Variants in CA8 observed in about 807,000 individuals in gnomAD.
The protein encoded by CA8 is carbonic anhydrase-related protein.
A neutral mutation model predicts 41.4 loss-of-function variants in CA8; 22 were observed. The observed-to-expected ratio is 0.53, with a 90% CI of 0.38 to 0.76. CA8 has a LOEUF of 0.76. CA8 is among the 30% of genes least tolerant of loss of function. The pLI, the probability that CA8 is intolerant of heterozygous loss-of-function variation, is 0.00. For synonymous variants in CA8, 121 were observed against 130.6 expected (o/e 0.93, Z 0.50); for missense variants, 270 against 352.8 (o/e 0.77, Z 1.88).
intron 8 of CA8, among the ~76,000 whole-genome samples, chr8:60,190,957 T>TATATATATATATATATATATACACAC (rs1554573722): frequency 0.02 from 2,115 of 103,262 alleles, 57 homozygotes; most frequent in South Asian, 0.029. Flanking sequence ...TATATATATA[T>TATATATATATATATATATATACACAC]ACACACACAC....
intron 8 of CA8, among the ~76,000 whole-genome samples, chr8:60,194,276 T>C (rs779799427): frequency 1.5e-4 from 23 of 152,178 alleles, no homozygotes; most frequent in Non-Finnish European, 2.5e-4. Context: ...TCTGTAACTG[T>C]TCATATCTGG....
At chr8:60,219,579 G>C (rs977445215) in intron 7 of CA8, among the ~76,000 whole-genome samples, 6 of 152,166 alleles carry the variant, frequency 3.9e-5, no homozygotes, top group Non-Finnish European at 8.8e-5. Context: ...TGGGGATACA[G>C]AACATAATAA....
At chr8:60,191,267 GTA>G (rs1484082105) in intron 8 of CA8, among the ~76,000 whole-genome samples, 1 of 151,914 alleles carries the variant, frequency 6.6e-6, no homozygotes, top group Non-Finnish European at 1.5e-5. Context: ...ATTAGCATGT[GTA>G]TTACCTCACA....
Position 60,190,957 on chromosome 8 carries a change from T to TATATATATATATATATATACAC in CA8, c.*36-973_*36-972insGTGTATATATATATATATATAT, listed in dbSNP as rs1554573722. On this transcript the variant is annotated intron_variant, in intron 8 of 8. Coordinates refer to ENST00000317995, the MANE Select transcript of CA8 (RefSeq NM_004056.6). ...CACACACTATATATATATATATATA[T>TATATATATATATATATATACAC]ACACACACACATTTCTACATATGCA... 9.0e-4 allele frequency among the ~76,000 whole-genome samples: 94 copies of TATATATATATATATATATACAC among 104,220 alleles called. 1 individual carries two copies. The highest frequency in any genetic ancestry group is 2.5e-3 in the African/African-American group (74 of 29,108). 68.4% of individuals were successfully genotyped at this position (104,220 alleles called of 152,430 possible). A position where few individuals can be genotyped will look rare whatever the true frequency, so the allele number is the denominator to read the frequency against.
chr8:60,235,993 G>T (rs998145833), intron 3 of CA8, among the ~76,000 whole-genome samples: 1 of 152,098 alleles, frequency 6.6e-6, no homozygotes, highest in Admixed American at 6.5e-5. Flanking sequence ...AAGTCCCAGC[G>T]AAAAAACTAT....
intron 7 of CA8, 151 bp from the exon 8 acceptor site, chr8:60,209,070 C>T (rs2130424629): frequency 2.3e-6 from 2 of 873,556 alleles, no homozygotes; most frequent in South Asian, 3.4e-5. Context: ...AAAAAACAGA[C>T]TTAATTCTTC....
At chr8:60,279,115 T>TTAAATAAA (rs140904427) in intron 2 of CA8, among the ~76,000 whole-genome samples, 2 of 151,334 alleles carry the variant, frequency 1.3e-5, no homozygotes, top group Admixed American at 6.6e-5. Context: ...GGGATGGAAC[T>TTAAATAAA]TAAATAAATA....
chr8:60,221,533 A>G (rs546493142), intron 7 of CA8, among the ~76,000 whole-genome samples: 4 of 152,314 alleles, frequency 2.6e-5, no homozygotes, highest in Admixed American at 2.6e-4. Flanking sequence ...AGAGCCCTTC[A>G]CCTCCACAGT....
At chr8:60,192,711 T>C (rs1450746687) in intron 8 of CA8, among the ~76,000 whole-genome samples, 3 of 152,114 alleles carry the variant, frequency 2.0e-5, no homozygotes, top group African/African-American at 7.2e-5. Context: ...AAATTATGCA[T>C]GCATATAAAG....
intron 8 of CA8, among the ~76,000 whole-genome samples, chr8:60,207,093 G>A (rs1460672856): frequency 1.3e-5 from 2 of 152,142 alleles, no homozygotes; most frequent in South Asian, 2.1e-4. Flanking sequence ...CCTCCTTGAT[G>A]TGTCACTCGA....
chr8:60,208,274 A>G (rs1456850636), intron 8 of CA8: 4 of 162,512 alleles, frequency 2.5e-5, no homozygotes, highest in Admixed American at 5.8e-5. Flanking sequence ...AAGTATTTCA[A>G]TGCATGCCAG....
chr8:60,278,043 G>T lies in CA8; in HGVS notation c.292+1646C>A, dbSNP rs548695783. On this transcript the variant is annotated intron_variant, in intron 2 of 8. Coordinates refer to ENST00000317995, the MANE Select transcript of CA8 (RefSeq NM_004056.6). ...AGAAAAGCACAAAATGCTAGGTGAG[G>T]AAGAAACACACTTCATGGTGAGAGG... 2.0e-5 allele frequency among the ~76,000 whole-genome samples: 3 copies of T among 152,334 alleles called. No individual in the cohort carries two copies. In the South Asian group the frequency reaches 6.2e-4, roughly 32 times the overall value.
chr8:60,224,422 C>T, intron 6 of CA8, 115 bp downstream of exon 6: 1 of 710,598 alleles, frequency 1.4e-6, no homozygotes. Context: ...AAACAGAATA[C>T]AAATTGCAAA....
intron 1 of CA8, 122 bp from the exon 2 acceptor site, chr8:60,280,002 A>T: frequency 1.4e-6 from 1 of 702,156 alleles, no homozygotes; most frequent in Non-Finnish European, 2.3e-6. Context: ...TACCATCACT[A>T]TACAGATGAA....
At chr8:60,259,295 T>C (rs1803654928) in intron 3 of CA8, among the ~76,000 whole-genome samples, 1 of 152,248 alleles carries the variant, frequency 6.6e-6, no homozygotes, top group South Asian at 2.1e-4. Context: ...TATTTTCTAC[T>C]GCAGTATCTA....
intron 3 of CA8, among the ~76,000 whole-genome samples, chr8:60,236,897 G>A (rs1331650574): frequency 6.6e-6 from 1 of 152,196 alleles, no homozygotes. Flanking sequence ...TGATACTACA[G>A]ATATGGCTTA....
At chr8:60,226,247 T>C (rs1312665844) in intron 5 of CA8, among the ~76,000 whole-genome samples, 1 of 152,184 alleles carries the variant, frequency 6.6e-6, no homozygotes, top group Non-Finnish European at 1.5e-5. Flanking sequence ...AAGGCCTGTC[T>C]TCAGGACTAA....
At chr8:60,218,079 C>T (rs952904181) in intron 7 of CA8, among the ~76,000 whole-genome samples, 2 of 152,162 alleles carry the variant, frequency 1.3e-5, no homozygotes, top group African/African-American at 4.8e-5. Context: ...CCACACTTAC[C>T]GCAAGCGTTC....
intron 3 of CA8, among the ~76,000 whole-genome samples, chr8:60,243,569 C>T (rs922206289): frequency 8.5e-5 from 13 of 152,158 alleles, no homozygotes; most frequent in African/African-American, 3.1e-4. Context: ...TGAAATCTGT[C>T]TCTTGTCCCA....
Sources: allele counts gnomAD v4.1 joint callset (sites outside exome capture counted in the v4.1 genomes callset), GRCh38; gene constraint gnomAD v4.1.1; transcripts MANE v1.5; gene names NCBI Gene and HGNC (gene_info 2026-07-23, HGNC 2026-07-21).